ZNF804B: variants seen among roughly 807,000 people sequenced by gnomAD.
ZNF804B encodes zinc finger protein 804B.
A neutral mutation model predicts 101.4 loss-of-function variants in ZNF804B; 80 were observed. The observed-to-expected ratio is 0.79, with a 90% CI of 0.66 to 0.95. The LOEUF is 0.95. Ranked by LOEUF, ZNF804B falls within the 40% of genes least tolerant of loss-of-function variation. The probability of loss-of-function intolerance (pLI) is 0.00; values close to 1 mark genes in which losing one functional copy is unlikely to be tolerated. For missense variants in ZNF804B, 1,673 were observed against 1,561.9 expected, an observed-to-expected ratio of 1.07 and a Z score of -1.20; for synonymous variants, 622 against 558.8, an observed-to-expected ratio of 1.11 and a Z score of -1.59.
intron 1 of ZNF804B, among the ~76,000 whole-genome samples, chr7:89,178,342 C>T (rs1788237371): frequency 1.3e-5 from 2 of 149,868 alleles, no homozygotes; most frequent in Non-Finnish European, 1.5e-5. Context: ...TCTTTTCCTT[C>T]CTTTCTTCCT....
chr7:89,006,099 G>A (rs1373692521), intron 1 of ZNF804B, among the ~76,000 whole-genome samples: 2 of 152,040 alleles, frequency 1.3e-5, no homozygotes, highest in Admixed American at 1.3e-4. Flanking sequence ...CAGTATAGCT[G>A]ACTGTGCTGG....
chr7:88,777,667 G>A (rs1421600886), intron 1 of ZNF804B, among the ~76,000 whole-genome samples: 1 of 151,980 alleles, frequency 6.6e-6, no homozygotes. Context: ...GGCCAACATG[G>A]TGAAACCCCA....
At chr7:88,940,981 C>T (rs575360366) in intron 1 of ZNF804B, among the ~76,000 whole-genome samples, 5 of 151,330 alleles carry the variant, frequency 3.3e-5, no homozygotes, top group Admixed American at 1.3e-4. Context: ...GACATCTCAC[C>T]AAATAAGATA....
intron 1 of ZNF804B, among the ~76,000 whole-genome samples, chr7:88,840,563 C>T (rs1791280413): frequency 6.6e-6 from 1 of 151,270 alleles, no homozygotes; most frequent in Admixed American, 6.6e-5. Context: ...ACCTGTCAAA[C>T]TCAGTAAACA....
At chr7:88,789,939 C>A (rs1448113244) in intron 1 of ZNF804B, among the ~76,000 whole-genome samples, 1 of 152,092 alleles carries the variant, frequency 6.6e-6, no homozygotes, top group African/African-American at 2.4e-5. Context: ...TGTTAGAATT[C>A]ACCCTGGAAG....
At chr7:88,765,572 G>T (rs968110283) in intron 1 of ZNF804B, among the ~76,000 whole-genome samples, 25 of 150,896 alleles carry the variant, frequency 1.7e-4, no homozygotes, top group African/African-American at 2.4e-5. Flanking sequence ...ATTTTTTCAA[G>T]ATACACATTG....
chr7:89,337,062 T>A lies in ZNF804B; in HGVS notation c.*30T>A, dbSNP rs1791109220. Reference sequence around the variant, plus strand: ...TGTTAAAGCCCCTCCTGTGGATAATTTTTTTAATTGTCACTACCTATAAAA... The same window carrying A: ...TGTTAAAGCCCCTCCTGTGGATAATATTTTTAATTGTCACTACCTATAAAA... On this transcript the variant is annotated 3_prime_UTR_variant, in exon 4 of 4. Transcript: ENST00000333190. 1.9e-6 allele frequency: 3 copies of A among 1,571,166 alleles called. No individual in the cohort carries two copies. Among genetic ancestry groups the A allele is most frequent in the Non-Finnish European group, 2.6e-6 (3 of 1,157,852 alleles).
intron 2 of ZNF804B, among the ~76,000 whole-genome samples, chr7:89,275,848 A>T (rs972781596): frequency 6.6e-6 from 1 of 151,796 alleles, no homozygotes; most frequent in African/African-American, 2.4e-5. Context: ...ATCGCCTAGA[A>T]ATGTTACCTG....
chr7:89,272,260 C>G (rs528364790), intron 2 of ZNF804B, among the ~76,000 whole-genome samples: 1 of 152,024 alleles, frequency 6.6e-6, no homozygotes, highest in Non-Finnish European at 1.5e-5. Flanking sequence ...TAGCACATAG[C>G]AAATGGTCAA....
At chr7:89,283,007 G>A (rs1293609593) in intron 2 of ZNF804B, among the ~76,000 whole-genome samples, 1 of 151,992 alleles carries the variant, frequency 6.6e-6, no homozygotes, top group Non-Finnish European at 1.5e-5. Flanking sequence ...TCAGCCATAG[G>A]AAATTAATAC....
chr7:89,186,621 TTA>T (rs1788378864), intron 1 of ZNF804B, among the ~76,000 whole-genome samples: 1 of 152,134 alleles, frequency 6.6e-6, no homozygotes, highest in Non-Finnish European at 1.5e-5. Context: ...CTTTTTTTTT[TTA>T]CAATCTTCTT....
chr7:88,888,367 G>A (rs527278142), intron 1 of ZNF804B, among the ~76,000 whole-genome samples: 2 of 152,192 alleles, frequency 1.3e-5, no homozygotes, highest in South Asian at 4.1e-4. Context: ...ACTCCAGCCT[G>A]GGCGACAGAG....
chr7:88,780,646 CA>C (rs1790212056), intron 1 of ZNF804B, among the ~76,000 whole-genome samples: 2 of 151,956 alleles, frequency 1.3e-5, no homozygotes, highest in South Asian at 4.2e-4. Flanking sequence ...TTCAGCCTCC[CA>C]AAATGCTAGG....
chr7:88,949,768 TA>T (rs1793189715), intron 1 of ZNF804B, among the ~76,000 whole-genome samples: 4 of 151,960 alleles, frequency 2.6e-5, no homozygotes, highest in Admixed American at 2.0e-4. Context: ...TATAATATGG[TA>T]TTTTTACTGT....
chr7:88,786,819 A>G (rs1790309545), intron 1 of ZNF804B, among the ~76,000 whole-genome samples: 2 of 152,170 alleles, frequency 1.3e-5, no homozygotes, highest in Non-Finnish European at 2.9e-5. Flanking sequence ...TTTTGATAAA[A>G]GTAAAATTAA....
At chr7:89,188,492 C>G (rs1351500874) in intron 1 of ZNF804B, among the ~76,000 whole-genome samples, 1 of 152,092 alleles carries the variant, frequency 6.6e-6, no homozygotes, top group African/African-American at 2.4e-5. Flanking sequence ...ATAGTTCTCT[C>G]ACTTCAAAGC....
chr7:89,274,995 G>A (rs986278485), intron 2 of ZNF804B, among the ~76,000 whole-genome samples: 1 of 151,904 alleles, frequency 6.6e-6, no homozygotes, highest in African/African-American at 2.4e-5. Context: ...ACTCTCAAAT[G>A]TGTAGCTCTG....
At chr7:88,908,822 C>T (rs1792508658) in intron 1 of ZNF804B, among the ~76,000 whole-genome samples, 1 of 151,784 alleles carries the variant, frequency 6.6e-6, no homozygotes, top group African/African-American at 2.4e-5. Flanking sequence ...ATGTCTTCTA[C>T]TGGCCACTCT....
intron 1 of ZNF804B, among the ~76,000 whole-genome samples, chr7:88,932,523 C>A (rs2116022820): frequency 6.6e-6 from 1 of 151,732 alleles, no homozygotes; most frequent in East Asian, 1.9e-4. Context: ...GAAAAGAAGA[C>A]AGATGATCCA....
Sources: gnomAD v4.1 joint callset for allele counts (sites outside exome capture counted in the v4.1 genomes callset) on GRCh38, gnomAD v4.1.1 for gene constraint, MANE v1.5 for transcripts, NCBI Gene and HGNC (gene_info 2026-07-23, HGNC 2026-07-21) for gene names.